The following MITF variants were observed in gnomAD, a reference collection of about 807,000 sequenced individuals.
The protein encoded by MITF is microphthalmia-associated transcription factor.
Under a neutral mutation model 60.5 loss-of-function variants are expected in MITF, and 17 were observed. The observed-to-expected ratio is 0.28, with a 90% CI of 0.19 to 0.42. The LOEUF is 0.42. MITF is among the 10% of genes least tolerant of loss of function. The pLI, the probability that MITF is intolerant of heterozygous loss-of-function variation, is 1.00. For synonymous variants in MITF, 260 were observed against 248.5 expected (o/e 1.05, Z -0.43); for missense variants, 622 against 683.5 (o/e 0.91, Z 1.00).
At chr3:69,946,606 G>A (rs1442677352) in intron 5 of MITF, among the ~76,000 whole-genome samples, 1 of 152,126 alleles carries the variant, frequency 6.6e-6, no homozygotes, top group Non-Finnish European at 1.5e-5. Context: ...CCCAAAAAAT[G>A]AGATGACCCC....
chr3:69,945,641 A>G (rs9941978), intron 5 of MITF, among the ~76,000 whole-genome samples: 2,515 of 152,302 alleles, frequency 0.017, 32 homozygotes, highest in Middle Eastern at 0.061. Flanking sequence ...TAGAAAGAAC[A>G]TACACCACCA....
chr3:69,834,224 C>T (rs2063502573), intron 1 of MITF, among the ~76,000 whole-genome samples: 2 of 152,188 alleles, frequency 1.3e-5, no homozygotes, highest in Admixed American at 6.5e-5. Context: ...CTTTTAACTA[C>T]AGTCACTGTA....
At chr3:69,875,445 A>T (rs1166705219) in intron 1 of MITF, among the ~76,000 whole-genome samples, 1 of 152,228 alleles carries the variant, frequency 6.6e-6, no homozygotes, top group Admixed American at 6.5e-5. Context: ...GAAACCAGGT[A>T]TTCCCAGCAC....
intron 2 of MITF, among the ~76,000 whole-genome samples, chr3:69,894,169 G>A (rs1477127590): frequency 6.6e-6 from 1 of 152,178 alleles, no homozygotes; most frequent in African/African-American, 2.4e-5. Context: ...GGGGAAACTT[G>A]AAGGTTCAAA....
At position 69,812,916 on chromosome 3, in the gene MITF, T is replaced by A. The variant is rs114671141; in HGVS notation, c.105-66218T>A. ...GGTGTAGGTCTTTCCAGCAGTAAAATCTATTAAAGATCCTTTTACTTTTGC... is the reference window on the plus strand; with the variant it reads ...GGTGTAGGTCTTTCCAGCAGTAAAAACTATTAAAGATCCTTTTACTTTTGC... On this transcript the variant is annotated intron_variant, in intron 1 of 9. Transcript: ENST00000352241. 5.1e-3 allele frequency among the ~76,000 whole-genome samples: 770 copies of A among 152,272 alleles called. 6 individuals are homozygous for A. The highest frequency in any genetic ancestry group is 0.017 in the African/African-American group (707 of 41,558).
chr3:69,760,313 C>T (rs2062194115), intron 1 of MITF, among the ~76,000 whole-genome samples: 1 of 152,044 alleles, frequency 6.6e-6, no homozygotes, highest in Non-Finnish European at 1.5e-5. Flanking sequence ...GGCAGGTGAG[C>T]CCCCAGATTG....
At chr3:69,879,069 C>T (rs781713614) in intron 1 of MITF, 65 bp from the exon 2 acceptor site, 1 of 1,393,990 alleles carries the variant, frequency 7.2e-7, no homozygotes, top group African/African-American at 1.4e-5. Context: ...TAGGATACCC[C>T]CAAAGTGCAA....
chr3:69,827,401 A>T (rs1036452155), intron 1 of MITF, among the ~76,000 whole-genome samples: 1 of 152,220 alleles, frequency 6.6e-6, no homozygotes, highest in East Asian at 1.9e-4. Context: ...TCTTTGTCCA[A>T]TTCCTTCTGA....
At chr3:69,800,923 C>G (rs2062909476) in intron 1 of MITF, among the ~76,000 whole-genome samples, 1 of 152,078 alleles carries the variant, frequency 6.6e-6, no homozygotes, top group Non-Finnish European at 1.5e-5. Flanking sequence ...AGGATTTATT[C>G]TACCAAAGGA....
chr3:69,927,240 T>C (rs948263458), intron 2 of MITF, among the ~76,000 whole-genome samples: 2 of 152,112 alleles, frequency 1.3e-5, no homozygotes, highest in African/African-American at 4.8e-5. Context: ...ACTTTCCGTC[T>C]CATTAAATAT....
chr3:69,804,175 TAA>T (rs1001126187), intron 1 of MITF, among the ~76,000 whole-genome samples: 3 of 152,260 alleles, frequency 2.0e-5, no homozygotes, highest in Admixed American at 1.3e-4. Flanking sequence ...TCTGAAGTAC[TAA>T]AAATACATGA....
At chr3:69,757,615 A>G (rs2062145297) in intron 1 of MITF, among the ~76,000 whole-genome samples, 1 of 152,024 alleles carries the variant, frequency 6.6e-6, no homozygotes, top group Non-Finnish European at 1.5e-5. Context: ...GAGAGTTAGG[A>G]CACCCTGAAC....
At chr3:69,797,387 A>G (rs2062848665) in intron 1 of MITF, among the ~76,000 whole-genome samples, 1 of 152,216 alleles carries the variant, frequency 6.6e-6, no homozygotes, top group Non-Finnish European at 1.5e-5. Context: ...ACTAAAGATC[A>G]TTTATTAAAT....
intron 1 of MITF, among the ~76,000 whole-genome samples, chr3:69,802,969 G>A (rs961414074): frequency 1.2e-4 from 19 of 152,026 alleles, no homozygotes; most frequent in African/African-American, 4.1e-4. Context: ...TAGGGACGGG[G>A]TTTCTCCATG....
At chr3:69,817,160 T>C (rs1291651598) in intron 1 of MITF, among the ~76,000 whole-genome samples, 7 of 152,336 alleles carry the variant, frequency 4.6e-5, no homozygotes, top group South Asian at 2.1e-4. Flanking sequence ...ATTATATCTT[T>C]AATGTTTTGC....
rs1344071812 is a variant in MITF at position 69,849,765 on chromosome 3, C to T, written c.105-29369C>T. On this transcript the variant is annotated intron_variant, in intron 1 of 9. Coordinates refer to ENST00000352241, the MANE Select transcript of MITF (RefSeq NM_001354604.2). ...GGGGCCTGTTGCCTCTCCCTACTTT[C>T]CTCCTGTTTCCTCTTTAGCTCTTTT... 2.0e-5 allele frequency among the ~76,000 whole-genome samples: 3 copies of T among 152,156 alleles called. No homozygotes were observed. In the South Asian group the frequency reaches 6.2e-4, roughly 32 times the overall value.
chr3:69,928,633 C>T (rs934249550), intron 2 of MITF, among the ~76,000 whole-genome samples: 9 of 152,182 alleles, frequency 5.9e-5, no homozygotes, highest in Admixed American at 2.0e-4. Flanking sequence ...AGTTTGGTAT[C>T]TCTAGATCTT....
chr3:69,751,667 G>A (rs1703945175), intron 1 of MITF, among the ~76,000 whole-genome samples: 1 of 151,126 alleles, frequency 6.6e-6, no homozygotes, highest in Non-Finnish European at 1.5e-5. Flanking sequence ...AAATTTCAGA[G>A]TAAGACAGAT....
chr3:69,882,303 C>A (rs1238948723), intron 2 of MITF, among the ~76,000 whole-genome samples: 1 of 151,996 alleles, frequency 6.6e-6, no homozygotes, highest in Non-Finnish European at 1.5e-5. Context: ...AGATTAGCCT[C>A]TGGTTTCTAT....
Sources: gnomAD v4.1 joint callset for allele counts (sites outside exome capture counted in the v4.1 genomes callset) on GRCh38, gnomAD v4.1.1 for gene constraint, MANE v1.5 for transcripts, NCBI Gene and HGNC (gene_info 2026-07-23, HGNC 2026-07-21) for gene names.